The following SSBP2 variants were observed in gnomAD, a reference collection of about 807,000 sequenced individuals.
SSBP2 encodes the protein single-stranded DNA-binding protein 2.
In SSBP2, 17 loss-of-function variants were observed where a neutral mutation model predicts 61.8. The observed-to-expected ratio is 0.28, with a 90% CI of 0.19 to 0.41. The LOEUF (loss-of-function observed/expected upper bound fraction) is 0.41, where lower values mean the gene tolerates loss of function less well. Ranked by LOEUF, SSBP2 falls within the 10% of genes least tolerant of loss-of-function variation. The probability of loss-of-function intolerance (pLI) is 1.00; values close to 1 mark genes in which losing one functional copy is unlikely to be tolerated. For missense variants in SSBP2, 310 were observed against 458.7 expected, an observed-to-expected ratio of 0.68 and a Z score of 2.96; for synonymous variants, 139 against 141.3, an observed-to-expected ratio of 0.98 and a Z score of 0.12.
chr5:81,576,529 T>C (rs1028885417), intron 4 of SSBP2, among the ~76,000 whole-genome samples: 5 of 152,104 alleles, frequency 3.3e-5, no homozygotes, highest in African/African-American at 1.2e-4. Flanking sequence ...AAGGCTAGAA[T>C]TGAAACCTAG....
At position 81,413,764 on chromosome 5, in the gene SSBP2, G is replaced by A. The variant is rs1297694617; in HGVS notation, c.*6740C>T. Reference sequence around the variant, plus strand: ...TAGTTTATATTAAGAAGATTTCTAAGATGGTGCTAAATTTAAAGTAATTTG... The same window carrying A: ...TAGTTTATATTAAGAAGATTTCTAAAATGGTGCTAAATTTAAAGTAATTTG... On this transcript the variant is annotated 3_prime_UTR_variant, in exon 17 of 17. Transcript: ENST00000320672. 1 of 152,170 alleles carries A rather than the reference G, an allele frequency of 6.6e-6. No homozygotes were observed. Among genetic ancestry groups the A allele is most frequent in the East Asian group, 1.9e-4 (1 of 5,204 alleles). 9.4% of individuals were successfully genotyped at this position (152,170 alleles called of 1,614,324 possible).
chr5:81,737,448 T>G lies in SSBP2; in HGVS notation c.62+13533A>C, dbSNP rs190973612. The stretch of plus-strand genomic sequence containing the variant: ...TGCATCTAACTTGAGTTCACTCCAC[T>G]GAAACTGTCCTCCCTAAGTCACAGA... On this transcript the variant is annotated intron_variant, in intron 1 of 16. Coordinates refer to ENST00000320672, the MANE Select transcript of SSBP2 (RefSeq NM_012446.5). Among the ~76,000 whole-genome samples, 40 of 152,170 alleles carry G rather than the reference T, an allele frequency of 2.6e-4. No homozygotes were observed. The East Asian group carries it at 7.8e-3, about 29-fold the overall frequency.
intron 8 of SSBP2, 115 bp downstream of exon 8, chr5:81,473,585 C>T: frequency 1.1e-6 from 1 of 886,846 alleles, no homozygotes; most frequent in Non-Finnish European, 1.8e-6. Flanking sequence ...CTTTTTATGG[C>T]TGCATAGTAT....
At chr5:81,730,139 T>C (rs11955869) in intron 1 of SSBP2, among the ~76,000 whole-genome samples, 5,536 of 152,312 alleles carry the variant, frequency 0.036, 302 homozygotes, top group African/African-American at 0.12. Flanking sequence ...CTATCCTGTT[T>C]CATGAAAATA....
chr5:81,559,250 G>A (rs1207858380), intron 4 of SSBP2, among the ~76,000 whole-genome samples: 1 of 152,096 alleles, frequency 6.6e-6, no homozygotes, highest in Non-Finnish European at 1.5e-5. Flanking sequence ...AGCCGGGCGT[G>A]GTGGGCCGTG....
At chr5:81,725,712 G>A (rs1252741125) in intron 1 of SSBP2, among the ~76,000 whole-genome samples, 1 of 152,124 alleles carries the variant, frequency 6.6e-6, no homozygotes, top group African/African-American at 2.4e-5. Flanking sequence ...ATGGGTAGCG[G>A]TTTTTTGATG....
intron 3 of SSBP2, among the ~76,000 whole-genome samples, chr5:81,622,169 T>C (rs535097121): frequency 8.0e-5 from 12 of 150,920 alleles, no homozygotes; most frequent in East Asian, 3.9e-4. Flanking sequence ...TTTTTTCTCC[T>C]ATTCAAGAAC....
intron 4 of SSBP2, among the ~76,000 whole-genome samples, chr5:81,531,664 A>G (rs541912818): frequency 2.6e-5 from 4 of 152,236 alleles, no homozygotes; most frequent in African/African-American, 9.6e-5. Flanking sequence ...ATGGCTGTAG[A>G]CCAATCATTT....
At position 81,656,004 on chromosome 5, in the gene SSBP2, G is replaced by GT. The variant is rs537984459; in HGVS notation, c.63-5666dup. ...ACTTTGCATGATTCTAACAAAAGGG[G>GT]TTTTTTTTATTTAAAAATTATACAA... On this transcript the variant is annotated intron_variant, in intron 1 of 16. Transcript: ENST00000320672. 1.1e-4 allele frequency among the ~76,000 whole-genome samples: 17 copies of GT among 151,924 alleles called. No homozygotes were observed. In the East Asian group the frequency reaches 1.4e-3, roughly 12 times the overall value.
In SSBP2 at chr5:81,467,014, G is replaced by T; in HGVS notation, c.598C>A (p.Leu200Met). ...ATTCCAGGGCCACCTAAAGCATTCA[G>T]TGGGGGTCTCATTGCACCTCCATAG... Residue 200 changes from leucine to methionine, a missense_variant, in exon 9 of 17, where the codon CTG becomes ATG. By Grantham distance (15) the Leu-to-Met change is conservative. This residue lies in a region of SSBP2 where 209 missense variants were observed against 286.4 expected (regional missense o/e 0.73). Coordinates refer to ENST00000320672, the MANE Select transcript of SSBP2 (RefSeq NM_012446.5). 1 of 1,610,244 alleles carries T rather than the reference G, an allele frequency of 6.2e-7. No homozygotes were observed. The highest frequency in any genetic ancestry group is 1.1e-5 in the South Asian group (1 of 90,474).
chr5:81,602,144 T>A (rs1174383048), intron 4 of SSBP2, among the ~76,000 whole-genome samples: 2 of 151,974 alleles, frequency 1.3e-5, no homozygotes, highest in African/African-American at 4.8e-5. Context: ...TCCTTTTCCA[T>A]AAAAAAAGTA....
chr5:81,698,477 A>G (rs889706379), intron 1 of SSBP2, among the ~76,000 whole-genome samples: 5 of 152,196 alleles, frequency 3.3e-5, no homozygotes, highest in Admixed American at 2.0e-4. Flanking sequence ...AGACAGGTTA[A>G]GGGGTGGCAA....
At position 81,515,012 on chromosome 5, in the gene SSBP2, A is replaced by C. The variant is rs375457705; in HGVS notation, c.283-1295T>G. 2.9e-4 allele frequency among the ~76,000 whole-genome samples: 44 copies of C among 152,088 alleles called. No homozygotes were observed. The Middle Eastern group carries it at 0.01, about 35-fold the overall frequency. The stretch of plus-strand genomic sequence containing the variant: ...TCTATTATTCTAAGAAAAACCATGC[A>C]ATTTCAATTAGCGCACATTAATGGA... On this transcript the variant is annotated intron_variant, in intron 4 of 16. Coordinates refer to ENST00000320672, the MANE Select transcript of SSBP2 (RefSeq NM_012446.5).
chr5:81,512,498 A>G (rs1324654026), intron 5 of SSBP2, among the ~76,000 whole-genome samples: 1 of 152,172 alleles, frequency 6.6e-6, no homozygotes, highest in East Asian at 1.9e-4. Flanking sequence ...CAAGAGTTAC[A>G]GTCTATTCCT....
intron 1 of SSBP2, among the ~76,000 whole-genome samples, chr5:81,723,527 T>C (rs139454984): frequency 5.1e-4 from 77 of 152,086 alleles, no homozygotes; most frequent in African/African-American, 1.8e-3. Flanking sequence ...GGAGAATGAG[T>C]AGCTCTGGAT....
chr5:81,722,745 C>A (rs1755622446), intron 1 of SSBP2, among the ~76,000 whole-genome samples: 1 of 151,988 alleles, frequency 6.6e-6, no homozygotes, highest in Non-Finnish European at 1.5e-5. Flanking sequence ...AAGGGCCTGG[C>A]ATAATGTGTG....
intron 4 of SSBP2, among the ~76,000 whole-genome samples, chr5:81,539,506 T>C (rs1397631949): frequency 1.3e-5 from 2 of 152,244 alleles, no homozygotes; most frequent in African/African-American, 2.4e-5. Context: ...GAAGTTCTAC[T>C]GTGGGTCAAA....
chr5:81,615,156 G>A (rs1278570214), intron 4 of SSBP2: 1 of 193,304 alleles, frequency 5.2e-6, no homozygotes, highest in Non-Finnish European at 1.1e-5. Context: ...TATAATGAAT[G>A]TTTTTGTAGA....
intron 15 of SSBP2, among the ~76,000 whole-genome samples, chr5:81,432,360 T>C (rs1762346222): frequency 6.6e-6 from 1 of 152,250 alleles, no homozygotes; most frequent in Non-Finnish European, 1.5e-5. Flanking sequence ...TCAGAGCTTG[T>C]CTTCTCACAT....
Sources: gnomAD v4.1 joint callset for allele counts (sites outside exome capture counted in the v4.1 genomes callset) on GRCh38, gnomAD v4.1.1 for gene constraint, gnomAD v4.1.1 regional missense constraint, MANE v1.5 for transcripts, NCBI Gene and HGNC (gene_info 2026-07-23, HGNC 2026-07-21) for gene names.